Variants in GNG11 observed in about 807,000 individuals in gnomAD.
GNG11 encodes G protein subunit gamma 11.
GNG11 carries 6 observed loss-of-function variants against 7.4 expected under a neutral mutation model. That is an observed-to-expected ratio of 0.81 (90% CI 0.44 to 1.60). GNG11 has a LOEUF of 1.60. Among genes scored for constraint, GNG11 ranks in the 40% most tolerant of loss-of-function variants. The probability of loss-of-function intolerance (pLI) is 0.01; values close to 1 mark genes in which losing one functional copy is unlikely to be tolerated. For synonymous variants in GNG11, 31 were observed against 25.9 expected (o/e 1.20, Z -0.60); for missense variants, 65 against 83.0 (o/e 0.78, Z 0.84).
chr7:93,925,120 T>C (rs926403329), intron 1 of GNG11, among the ~76,000 whole-genome samples: 5 of 152,134 alleles, frequency 3.3e-5, no homozygotes, highest in South Asian at 2.1e-4. Context: ...GCCGAGATCC[T>C]GCCACTGCAC....
Position 93,922,080 on chromosome 7 carries a change from G to T in GNG11, c.-58G>T, listed in dbSNP as rs774712747. ...GTTGTTTCGGGACGCGCCGAGCTTCGCCGCTCTTCCAGCGGCTCCGCTGCC... is the reference window on the plus strand; with the variant it reads ...GTTGTTTCGGGACGCGCCGAGCTTCTCCGCTCTTCCAGCGGCTCCGCTGCC... On this transcript the variant is annotated 5_prime_UTR_variant, in exon 1 of 2. Transcript: ENST00000248564. 9.1e-5 allele frequency: 102 copies of T among 1,123,136 alleles called. No individual in the cohort carries two copies. The highest frequency in any genetic ancestry group is 1.3e-4 in the Non-Finnish European group (101 of 788,002). The allele number at this position is 1,123,136 out of a possible 1,614,324, so 69.6% of individuals were successfully genotyped here. A position where few individuals can be genotyped will look rare whatever the true frequency, so the allele number is the denominator to read the frequency against.
At chr7:93,925,202 G>C (rs192359158) in intron 1 of GNG11, among the ~76,000 whole-genome samples, 36 of 152,058 alleles carry the variant, frequency 2.4e-4, no homozygotes, top group African/African-American at 8.7e-4. Flanking sequence ...AAATTTGCTG[G>C]TACTTCTGTA....
chr7:93,926,154 G>T lies in GNG11; in HGVS notation c.160G>T (p.Val54Leu), dbSNP rs891721189. 6.3e-7 allele frequency: 1 copy of T among 1,589,600 alleles called. No homozygotes were observed. Reference protein sequence around the residue: ...IEERSGEDPLVKGIPEDKNPF... With the variant: ...IEERSGEDPLLKGIPEDKNPF... ...AGAACGTTCTGGAGAGGATCCTCTA[G>T]TAAAGGGAATTCCAGAAGACAAGAA... The change falls in exon 2 of 2, where the codon GTA becomes TTA. Residue 54 changes from valine (V) to leucine (L), a missense_variant. Transcript: ENST00000248564.
In GNG11 at chr7:93,928,584, T is replaced by C. The variant is rs1181676994; in HGVS notation, c.*2368T>C. On this transcript the variant is annotated 3_prime_UTR_variant, in exon 2 of 2. Coordinates refer to ENST00000248564, the MANE Select transcript of GNG11 (RefSeq NM_004126.4). Reference sequence around the variant, plus strand: ...AGTGTATAGTTGTGTAATTATTTACTATTTGATTAAAAATAGTTATCATGC... The same window carrying C: ...AGTGTATAGTTGTGTAATTATTTACCATTTGATTAAAAATAGTTATCATGC... The C allele has an allele frequency of 6.6e-6, 1 of 152,240 alleles. No homozygotes were observed. The highest frequency in any genetic ancestry group is 2.4e-5 in the African/African-American group (1 of 41,458). 9.4% of individuals were successfully genotyped at this position (152,240 alleles called of 1,614,324 possible).
At chr7:93,924,332 C>A (rs185971763) in intron 1 of GNG11, among the ~76,000 whole-genome samples, 120 of 152,286 alleles carry the variant, frequency 7.9e-4, no homozygotes, top group African/African-American at 2.7e-3. Flanking sequence ...AATGAAAAAA[C>A]CTTGTAAGAA....
At chr7:93,925,978 T>TA (rs1291707955) in intron 1 of GNG11, 113 bp from the exon 2 acceptor site, 3 of 431,752 alleles carry the variant, frequency 6.9e-6, no homozygotes, top group East Asian at 8.4e-5. Flanking sequence ...TATGTAAATG[T>TA]AAAAAAATGT....
At chr7:93,925,081 T>TGAGGCTGAGGCAGG (rs1794659181) in intron 1 of GNG11, among the ~76,000 whole-genome samples, 1 of 152,094 alleles carries the variant, frequency 6.6e-6, no homozygotes, top group African/African-American at 2.4e-5. Context: ...GGAGAATGGC[T>TGAGGCTGAGGCAGG]AGAATCCGGG....
At position 93,922,236 on chromosome 7, in the gene GNG11, A is replaced by C; in HGVS notation, c.96+3A>C. ...AAGTGAAGTTGCAGAGACAACAAGT[A>C]AGTTGGCTGTTCCGGAATATTTCCT... On this transcript the variant is annotated splice_donor_region_variant and intron_variant, in intron 1 of 1. Transcript: ENST00000248564. 1 of 1,536,846 alleles carries C rather than the reference A, an allele frequency of 6.5e-7. No homozygotes were observed. Among genetic ancestry groups the C allele is most frequent in the Non-Finnish European group, 8.9e-7 (1 of 1,120,300 alleles).
chr7:93,922,323 C>A, intron 1 of GNG11, 90 bp downstream of exon 1: 1 of 692,584 alleles, frequency 1.4e-6, no homozygotes, highest in South Asian at 2.3e-5. Context: ...AATAGTTTAG[C>A]TTATTTTTCC....
chr7:93,926,260 T>G lies in GNG11; in HGVS notation c.*44T>G. The G allele has an allele frequency of 6.7e-7, 1 of 1,487,592 alleles. No individual in the cohort carries two copies. Among genetic ancestry groups the G allele is most frequent in the Non-Finnish European group, 9.1e-7 (1 of 1,104,450 alleles). The allele number at this position is 1,487,592 out of a possible 1,614,324, so 92.1% of individuals were successfully genotyped here. A position where few individuals can be genotyped will look rare whatever the true frequency, so the allele number is the denominator to read the frequency against. ...CATCCTAAGTGGAAGAACTAGTTTG[T>G]TTTAGTTTTCCCAGATAAAACCAAC... On this transcript the variant is annotated 3_prime_UTR_variant, in exon 2 of 2. Transcript: ENST00000248564.
intron 1 of GNG11, among the ~76,000 whole-genome samples, chr7:93,922,962 C>T (rs993002180): frequency 1.3e-5 from 2 of 152,124 alleles, no homozygotes; most frequent in African/African-American, 4.8e-5. Flanking sequence ...TCCACTGAAA[C>T]GTCTCGGGAG....
intron 1 of GNG11, among the ~76,000 whole-genome samples, chr7:93,922,628 A>G (rs1794631545): frequency 6.6e-6 from 1 of 152,202 alleles, no homozygotes; most frequent in African/African-American, 2.4e-5. Flanking sequence ...CTAAAACCGT[A>G]TTTTAAAGTC....
Position 93,927,609 on chromosome 7 carries a change from T to G in GNG11, c.*1393T>G, listed in dbSNP as rs1286932433. The G allele has an allele frequency of 1.3e-5, 2 of 152,218 alleles. No homozygotes were observed. The highest frequency in any genetic ancestry group is 4.8e-5 in the African/African-American group (2 of 41,450). 9.4% of individuals were successfully genotyped at this position (152,218 alleles called of 1,614,324 possible). ...TTACACATGTAGGTATACCTTACTA[T>G]CAAGCGAGAGAGGCGCCTGTAACCT... On this transcript the variant is annotated 3_prime_UTR_variant, in exon 2 of 2. Transcript: ENST00000248564.
At position 93,926,354 on chromosome 7, in the gene GNG11, G is replaced by T; in HGVS notation, c.*138G>T. The T allele has an allele frequency of 1.7e-6, 1 of 583,802 alleles. No homozygotes were observed. Among genetic ancestry groups the T allele is most frequent in the Non-Finnish European group, 2.9e-6 (1 of 340,778 alleles). 36.2% of individuals were successfully genotyped at this position (583,802 alleles called of 1,614,324 possible). On this transcript the variant is annotated 3_prime_UTR_variant, in exon 2 of 2. Transcript: ENST00000248564. ...TTAAGCACCATATAGATAGGGTTAT[G>T]TATAAAAGCATATGTGCTACTCATC...
Position 93,928,270 on chromosome 7 carries a change from A to G in GNG11, c.*2054A>G, listed in dbSNP as rs1346129528. ...CATGTCTCTTTCAACCATATGATCA[A>G]TCAGTTGGACGACTTCTGGTTTTTC... On this transcript the variant is annotated 3_prime_UTR_variant, in exon 2 of 2. Coordinates refer to ENST00000248564, the MANE Select transcript of GNG11 (RefSeq NM_004126.4). The G allele has an allele frequency of 6.6e-6, 1 of 152,174 alleles. No individual in the cohort carries two copies. The highest frequency in any genetic ancestry group is 2.4e-5 in the African/African-American group (1 of 41,438). 9.4% of individuals were successfully genotyped at this position (152,174 alleles called of 1,614,324 possible).
At chr7:93,923,499 G>A (rs1271433082) in intron 1 of GNG11, among the ~76,000 whole-genome samples, 1 of 152,076 alleles carries the variant, frequency 6.6e-6, no homozygotes, top group Non-Finnish European at 1.5e-5. Flanking sequence ...AAACCTTAAG[G>A]GACCCATTTT....
chr7:93,924,450 T>C (rs868004096), intron 1 of GNG11, among the ~76,000 whole-genome samples: 2 of 152,216 alleles, frequency 1.3e-5, no homozygotes, highest in African/African-American at 2.4e-5. Flanking sequence ...TTAAAATGCA[T>C]GCACTCTGAA....
rs189835622 is a variant in GNG11, at chr7:93,926,252, C to G, written c.*36C>G. 1.3e-5 allele frequency: 20 copies of G among 1,515,334 alleles called. No individual in the cohort carries two copies. The East Asian group carries it at 1.8e-4, about 14-fold the overall frequency. 93.9% of individuals were successfully genotyped at this position (1,515,334 alleles called of 1,614,324 possible). A position where few individuals can be genotyped will look rare whatever the true frequency, so the allele number is the denominator to read the frequency against. ...AGAAACTGCATCCTAAGTGGAAGAA[C>G]TAGTTTGTTTTAGTTTTCCCAGATA... On this transcript the variant is annotated 3_prime_UTR_variant, in exon 2 of 2. Coordinates refer to ENST00000248564, the MANE Select transcript of GNG11 (RefSeq NM_004126.4).
Position 93,926,411 on chromosome 7 carries a change from C to G in GNG11, c.*195C>G. The G allele has an allele frequency of 5.5e-6, 2 of 364,918 alleles. No individual in the cohort carries two copies. Among genetic ancestry groups the G allele is most frequent in the Non-Finnish European group, 4.9e-6 (1 of 202,306 alleles). 22.6% of individuals were successfully genotyped at this position (364,918 alleles called of 1,614,324 possible). ...CACTATGCAGTCTTTTTTAAGAGAGCAGAGAGTATCAGATGTACAATTATG... is the reference window on the plus strand; with the variant it reads ...CACTATGCAGTCTTTTTTAAGAGAGGAGAGAGTATCAGATGTACAATTATG... On this transcript the variant is annotated 3_prime_UTR_variant, in exon 2 of 2. Coordinates refer to ENST00000248564, the MANE Select transcript of GNG11 (RefSeq NM_004126.4).
Sources: allele counts gnomAD v4.1 joint callset (sites outside exome capture counted in the v4.1 genomes callset), GRCh38; gene constraint gnomAD v4.1.1; transcripts MANE v1.5; gene names NCBI Gene and HGNC (gene_info 2026-07-23, HGNC 2026-07-21).